Variants in RASSF8 observed in about 807,000 individuals in gnomAD.
RASSF8 encodes the protein Ras association domain family member 8.
In RASSF8, 22 loss-of-function variants were observed where a neutral mutation model predicts 48.5. The observed-to-expected ratio is 0.45, with a 90% CI of 0.32 to 0.65. RASSF8 has a LOEUF of 0.65. Ranked by LOEUF, RASSF8 falls within the 30% of genes least tolerant of loss-of-function variation. The pLI is 0.03. For missense variants in RASSF8, 418 were observed against 489.2 expected, an observed-to-expected ratio of 0.85 and a Z score of 1.37; for synonymous variants, 127 against 171.5, an observed-to-expected ratio of 0.74 and a Z score of 2.03.
At position 26,071,563 on chromosome 12, in the gene RASSF8, GTGT is replaced by G. The variant is rs1334297140; in HGVS notation, c.*2748_*2750del. 1.3e-5 allele frequency: 13 copies of G among 981,514 alleles called. No individual in the cohort carries two copies. In the African/African-American group the frequency reaches 2.3e-4, roughly 17 times the overall value. The allele number at this position is 981,514 out of a possible 1,614,324, so 60.8% of individuals were successfully genotyped here. A position where few individuals can be genotyped will look rare whatever the true frequency, so the allele number is the denominator to read the frequency against. On this transcript the variant is annotated 3_prime_UTR_variant, in exon 6 of 6. Coordinates refer to ENST00000689635, the MANE Select transcript of RASSF8 (RefSeq NM_001394098.1). ...TCATCCTCAGAGAATGGCCCATAGT[GTGT>G]TGCCTGTGGACATAGTGTCCATAGT...
chr12:25,999,101 A>G (rs1161922975), intron 2 of RASSF8, among the ~76,000 whole-genome samples: 1 of 152,186 alleles, frequency 6.6e-6, no homozygotes, highest in Non-Finnish European at 1.5e-5. Flanking sequence ...AAAATGACAC[A>G]GCAGTATGGT....
intron 1 of RASSF8, among the ~76,000 whole-genome samples, chr12:25,966,196 T>C (rs1418937227): frequency 6.6e-6 from 1 of 152,204 alleles, no homozygotes; most frequent in Non-Finnish European, 1.5e-5. Flanking sequence ...TGTCAACACT[T>C]GGCATAGTTG....
intron 1 of RASSF8, among the ~76,000 whole-genome samples, chr12:25,960,607 G>A (rs890928566): frequency 6.6e-6 from 1 of 152,152 alleles, no homozygotes; most frequent in Admixed American, 6.5e-5. Flanking sequence ...CAAGGATCAA[G>A]TACAACAAAA....
intron 2 of RASSF8, among the ~76,000 whole-genome samples, chr12:26,018,580 G>T (rs1942709352): frequency 6.6e-6 from 1 of 152,094 alleles, no homozygotes; most frequent in Non-Finnish European, 1.5e-5. Flanking sequence ...CTTACAACTT[G>T]GAATCACTGA....
At chr12:26,032,881 C>T (rs566000309) in intron 2 of RASSF8, among the ~76,000 whole-genome samples, 44 of 152,254 alleles carry the variant, frequency 2.9e-4, no homozygotes, top group Middle Eastern at 6.8e-3. Context: ...CATCAATCCC[C>T]ATGTGTCTAC....
intron 2 of RASSF8, among the ~76,000 whole-genome samples, chr12:26,034,845 AAC>A (rs1008752186): frequency 2.6e-5 from 4 of 151,972 alleles, no homozygotes; most frequent in African/African-American, 9.7e-5. Context: ...ATTAAAAAAA[AAC>A]ATCTAACTAA....
intron 2 of RASSF8, among the ~76,000 whole-genome samples, chr12:26,013,508 C>G (rs972739859): frequency 6.6e-6 from 1 of 152,214 alleles, no homozygotes; most frequent in Non-Finnish European, 1.5e-5. Flanking sequence ...CAAATTCACT[C>G]AGGCCTGGTA....
At chr12:25,964,620 C>T (rs1286300469) in intron 1 of RASSF8, among the ~76,000 whole-genome samples, 1 of 152,036 alleles carries the variant, frequency 6.6e-6, no homozygotes, top group East Asian at 1.9e-4. Flanking sequence ...CTAAATTATT[C>T]TTCCAGATAC....
chr12:26,067,488 A>T (rs751458814), intron 4 of RASSF8, 81 bp from the exon 5 acceptor site: 1 of 1,390,388 alleles, frequency 7.2e-7, no homozygotes, highest in Non-Finnish European at 9.9e-7. Context: ...TAACCCCTGT[A>T]GCAGATGGAT....
intron 1 of RASSF8, among the ~76,000 whole-genome samples, chr12:25,984,442 A>G (rs569216908): frequency 6.6e-6 from 1 of 151,916 alleles, no homozygotes; most frequent in East Asian, 1.9e-4. Context: ...TCCCCGGTTC[A>G]GGCAATTCTC....
chr12:26,037,747 G>A lies in RASSF8; in HGVS notation c.-108-17489G>A, dbSNP rs369799397. On this transcript the variant is annotated intron_variant, in intron 2 of 5. Coordinates refer to ENST00000689635, the MANE Select transcript of RASSF8 (RefSeq NM_001394098.1). Reference sequence around the variant, plus strand: ...TCATGACACTTTTGTTAGGAGGTGGGTGCTAAAGAGATACTTGTATGAGAT... The same window carrying A: ...TCATGACACTTTTGTTAGGAGGTGGATGCTAAAGAGATACTTGTATGAGAT... 1.5e-3 allele frequency among the ~76,000 whole-genome samples: 236 copies of A among 152,288 alleles called. 4 individuals carry two copies. The South Asian group carries it at 0.048, about 31-fold the overall frequency.
At chr12:26,000,750 TGTATCTAAAC>T (rs999226509) in intron 2 of RASSF8, among the ~76,000 whole-genome samples, 2 of 152,152 alleles carry the variant, frequency 1.3e-5, no homozygotes, top group Admixed American at 1.3e-4. Flanking sequence ...TAGATATTTG[TGTATCTAAAC>T]GTATCTAAAC....
rs1051194095 is a variant in RASSF8, at chr12:26,070,107, T to A, written c.*1289T>A. 2.0e-6 allele frequency: 2 copies of A among 975,854 alleles called. No individual in the cohort carries two copies. Among genetic ancestry groups the A allele is most frequent in the African/African-American group, 3.5e-5 (2 of 56,982 alleles). 60.4% of individuals were successfully genotyped at this position (975,854 alleles called of 1,614,324 possible). A position where few individuals can be genotyped will look rare whatever the true frequency, so the allele number is the denominator to read the frequency against. On this transcript the variant is annotated 3_prime_UTR_variant, in exon 6 of 6. Coordinates refer to ENST00000689635, the MANE Select transcript of RASSF8 (RefSeq NM_001394098.1). ...TTAGCCATTTTTACATTCCCTCTGG[T>A]TAGATTTGGTACAGTATAATTAAGA...
At chr12:26,017,102 T>C (rs890864998) in intron 2 of RASSF8, among the ~76,000 whole-genome samples, 2 of 151,932 alleles carry the variant, frequency 1.3e-5, no homozygotes, top group Non-Finnish European at 2.9e-5. Context: ...AAAAGCTATT[T>C]AGCCATAAGT....
chr12:26,009,072 C>A (rs1352862560), intron 2 of RASSF8, among the ~76,000 whole-genome samples: 1 of 152,116 alleles, frequency 6.6e-6, no homozygotes. Context: ...AGCAGCATTC[C>A]CAAGTTTCAA....
intron 4 of RASSF8, among the ~76,000 whole-genome samples, chr12:26,065,902 A>C (rs147460120): frequency 1.7e-4 from 26 of 152,174 alleles, no homozygotes; most frequent in African/African-American, 6.0e-4. Context: ...TTTCTAGTTC[A>C]CATACGAGAA....
At chr12:26,055,742 A>T (rs74071684) in intron 3 of RASSF8, among the ~76,000 whole-genome samples, 1 of 152,336 alleles carries the variant, frequency 6.6e-6, no homozygotes, top group East Asian at 1.9e-4. Flanking sequence ...ATGAGCCAAA[A>T]TTTAGACCCA....
intron 2 of RASSF8, among the ~76,000 whole-genome samples, chr12:26,006,399 A>G (rs1039644085): frequency 9.9e-5 from 15 of 152,222 alleles, no homozygotes; most frequent in African/African-American, 3.6e-4. Flanking sequence ...TATTGGATAT[A>G]ATGATATCTG....
intron 2 of RASSF8, among the ~76,000 whole-genome samples, chr12:26,049,194 G>A (rs972611097): frequency 6.6e-6 from 1 of 152,190 alleles, no homozygotes; most frequent in Non-Finnish European, 1.5e-5. Context: ...TTTCCATGGG[G>A]TATTAGAATG....
Sources: allele counts gnomAD v4.1 joint callset (sites outside exome capture counted in the v4.1 genomes callset), GRCh38; gene constraint gnomAD v4.1.1; transcripts MANE v1.5; gene names NCBI Gene and HGNC (gene_info 2026-07-23, HGNC 2026-07-21).